The following CLNK variants were observed in gnomAD, a reference collection of about 807,000 sequenced individuals.
The protein encoded by CLNK is cytokine-dependent hematopoietic cell linker.
Under a neutral mutation model 68.6 loss-of-function variants are expected in CLNK, and 74 were observed. The ratio of observed to expected loss-of-function variants is 1.08; its 90% CI spans 0.89 to 1.31. CLNK has a LOEUF of 1.31. Ranked by LOEUF, CLNK falls within the 50% of genes most tolerant of loss-of-function variation. The probability of loss-of-function intolerance (pLI) is 0.00; values close to 1 mark genes in which losing one functional copy is unlikely to be tolerated. For synonymous variants in CLNK, 198 were observed against 172.2 expected, an observed-to-expected ratio of 1.15 and a Z score of -1.17; for missense variants, 553 against 515.3, an observed-to-expected ratio of 1.07 and a Z score of -0.71.
chr4:10,495,742 G>A (rs145069669), intron 18 of CLNK, among the ~76,000 whole-genome samples: 2 of 152,246 alleles, frequency 1.3e-5, no homozygotes, highest in Admixed American at 6.5e-5. Flanking sequence ...CATAAGATAG[G>A]AGCAGTGGAA....
At chr4:10,501,226 G>C in intron 18 of CLNK, 30 bp downstream of exon 18, 1 of 1,533,272 alleles carries the variant, frequency 6.5e-7, no homozygotes, top group Non-Finnish European at 8.7e-7. Flanking sequence ...CGCTTAGCCT[G>C]GAACAGGGAG....
intron 3 of CLNK, among the ~76,000 whole-genome samples, chr4:10,595,255 T>A (rs1206666104): frequency 6.6e-6 from 1 of 152,190 alleles, no homozygotes. Flanking sequence ...GGAATACGAA[T>A]GCCTACTTCA....
chr4:10,553,014 A>T (rs933461988), intron 8 of CLNK, among the ~76,000 whole-genome samples: 2 of 151,438 alleles, frequency 1.3e-5, no homozygotes, highest in Non-Finnish European at 2.9e-5. Flanking sequence ...CAAACTTATC[A>T]CTGTTCATCG....
chr4:10,537,945 T>A (rs1357363032), intron 11 of CLNK, among the ~76,000 whole-genome samples: 1 of 151,534 alleles, frequency 6.6e-6, no homozygotes, highest in South Asian at 2.1e-4. Context: ...AACTCAGAGA[T>A]GTTAAAGAGC....
chr4:10,715,830 T>C, the CLNK span, among the ~76,000 whole-genome samples: 2 of 152,182 alleles, frequency 1.3e-5, no homozygotes, highest in African/African-American at 2.4e-5. Context: ...TCACTTCCAA[T>C]TCCCCAGAAC....
At chr4:10,535,263 G>GAAAGAAAGAAAGAAAGAAAGAAAGA (rs1225148465) in intron 11 of CLNK, among the ~76,000 whole-genome samples, 27 of 144,812 alleles carry the variant, frequency 1.9e-4, no homozygotes, top group African/African-American at 6.7e-4. Flanking sequence ...AAGAAAGAAA[G>GAAAGAAAGAAAGAAAGAAAGAAAGA]AAAAAATGGA....
intron 2 of CLNK, among the ~76,000 whole-genome samples, chr4:10,605,743 G>T (rs543043408): frequency 7.4e-6 from 1 of 134,554 alleles, no homozygotes; most frequent in Non-Finnish European, 1.5e-5. Flanking sequence ...CAGGAGAATC[G>T]CTTGAAGCCA....
chr4:10,700,007 T>TGTGTGTGTGTGC, the CLNK span, among the ~76,000 whole-genome samples: 1 of 151,088 alleles, frequency 6.6e-6, no homozygotes, highest in East Asian at 1.9e-4. Context: ...TGTGCATATG[T>TGTGTGTGTGTGC]GTGTGTGTGT....
At chr4:10,603,816 G>T (rs1176893337) in intron 2 of CLNK, among the ~76,000 whole-genome samples, 2 of 152,188 alleles carry the variant, frequency 1.3e-5, no homozygotes, top group Non-Finnish European at 2.9e-5. Context: ...TCCCAAAAAA[G>T]GTTAAGAGAG....
At chr4:10,625,355 T>C (rs1577178120) in intron 2 of CLNK, among the ~76,000 whole-genome samples, 1 of 150,204 alleles carries the variant, frequency 6.7e-6, no homozygotes, top group Admixed American at 6.6e-5. Flanking sequence ...CACGGGGAGG[T>C]TATTTCAACA....
In CLNK at chr4:10,591,348, T is replaced by C. The variant is rs530436271; in HGVS notation, c.84-6393A>G. On this transcript the variant is annotated intron_variant, in intron 3 of 18. Transcript: ENST00000226951. ...CTCTTCTCCTTATTTGGGCATATTC[T>C]TGGTACCTATGTAATGGAACTCACA... Among the ~76,000 whole-genome samples the C allele has an allele frequency of 3.2e-4, 48 of 152,328 alleles. No homozygotes were observed. The Middle Eastern group carries it at 0.014, about 43-fold the overall frequency.
At chr4:10,559,843 G>A (rs1338695922) in intron 7 of CLNK, among the ~76,000 whole-genome samples, 2 of 152,284 alleles carry the variant, frequency 1.3e-5, no homozygotes, top group African/African-American at 4.8e-5. Context: ...TGGATTCACA[G>A]GTACATTGTA....
chr4:10,560,348 C>T (rs995165045), intron 7 of CLNK, among the ~76,000 whole-genome samples: 1 of 152,236 alleles, frequency 6.6e-6, no homozygotes. Flanking sequence ...AGACAGTTGT[C>T]AAGACCCACC....
chr4:10,609,179 C>G (rs1408872303), intron 2 of CLNK, among the ~76,000 whole-genome samples: 1 of 152,216 alleles, frequency 6.6e-6, no homozygotes, highest in Admixed American at 6.5e-5. Context: ...CTCATCCCCC[C>G]TGCTTCTCTT....
rs1184070871 is a variant in CLNK at position 10,489,361 on chromosome 4, A to C, written c.*1106T>G. On this transcript the variant is annotated 3_prime_UTR_variant, in exon 19 of 19. Transcript: ENST00000226951. ...ACAGTTTTTCTCTGTCTTTGAATGG[A>C]AGTCCATAATTGGAATTGTTAATAC... 2.0e-5 allele frequency: 3 copies of C among 152,202 alleles called. No homozygotes were observed. The highest frequency in any genetic ancestry group is 2.9e-5 in the Non-Finnish European group (2 of 68,042). 9.4% of individuals were successfully genotyped at this position (152,202 alleles called of 1,614,324 possible). A position where few individuals can be genotyped will look rare whatever the true frequency, so the allele number is the denominator to read the frequency against.
intron 2 of CLNK, among the ~76,000 whole-genome samples, chr4:10,636,343 A>G (rs1056674907): frequency 6.6e-6 from 1 of 152,144 alleles, no homozygotes; most frequent in Non-Finnish European, 1.5e-5. Flanking sequence ...CAGAGAGAAA[A>G]GATGGCCATG....
chr4:10,624,601 T>G (rs1353661049), intron 2 of CLNK, among the ~76,000 whole-genome samples: 11 of 138,854 alleles, frequency 7.9e-5, no homozygotes, highest in Admixed American at 5.7e-4. Flanking sequence ...CAGTTTTTTT[T>G]TTTTTTTTTT....
chr4:10,659,389 C>T (rs1048401299), intron 2 of CLNK, among the ~76,000 whole-genome samples: 24 of 152,266 alleles, frequency 1.6e-4, no homozygotes, highest in African/African-American at 5.1e-4. Flanking sequence ...GTTACTATAA[C>T]GATTTCATTT....
intron 7 of CLNK, among the ~76,000 whole-genome samples, chr4:10,560,411 CT>C (rs1045955125): frequency 1.3e-5 from 2 of 152,146 alleles, no homozygotes; most frequent in Non-Finnish European, 2.9e-5. Flanking sequence ...AGATCCATTT[CT>C]TTTTTTCTTT....
Sources: allele counts gnomAD v4.1 joint callset (sites outside exome capture counted in the v4.1 genomes callset), GRCh38; gene constraint gnomAD v4.1.1; transcripts MANE v1.5; gene names NCBI Gene and HGNC (gene_info 2026-07-23, HGNC 2026-07-21).